The following DDR2 variants were observed in gnomAD, a reference collection of about 807,000 sequenced individuals.
DDR2 encodes the protein discoidin domain receptor tyrosine kinase 2.
Under a neutral mutation model 94.9 loss-of-function variants are expected in DDR2, and 27 were observed. The ratio of observed to expected loss-of-function variants is 0.28; its 90% CI spans 0.21 to 0.39. The LOEUF (loss-of-function observed/expected upper bound fraction) is 0.39. Ranked by LOEUF, DDR2 falls within the 10% of genes least tolerant of loss-of-function variation. The pLI is 1.00. For missense variants in DDR2, 783 were observed against 1,076.0 expected (o/e 0.73, Z 3.81); for synonymous variants, 382 against 377.2 (o/e 1.01, Z -0.15).
intron 7 of DDR2, among the ~76,000 whole-genome samples, chr1:162,759,063 CT>C (rs1228006796): frequency 6.6e-6 from 1 of 152,176 alleles, no homozygotes; most frequent in Non-Finnish European, 1.5e-5. Context: ...TCAAAAAAGC[CT>C]GCTAAGCTAG....
intron 2 of DDR2, among the ~76,000 whole-genome samples, chr1:162,717,078 C>T (rs1661202916): frequency 6.6e-6 from 1 of 152,014 alleles, no homozygotes; most frequent in South Asian, 2.1e-4. Context: ...CTCTGTCGCC[C>T]AGGCTGGAGT....
intron 3 of DDR2, among the ~76,000 whole-genome samples, chr1:162,737,558 T>A (rs1166170177): frequency 1.5e-5 from 2 of 132,980 alleles, no homozygotes; most frequent in Non-Finnish European, 3.2e-5. Flanking sequence ...CAGTCTAACA[T>A]TGTTGGACAT....
At chr1:162,741,252 T>TATA (rs57099786) in intron 3 of DDR2, among the ~76,000 whole-genome samples, 13,292 of 87,410 alleles carry the variant, frequency 0.15, 983 homozygotes, top group East Asian at 0.2. Context: ...TATAGTATAA[T>TATA]GTAATGTAAT....
intron 1 of DDR2, among the ~76,000 whole-genome samples, chr1:162,633,810 T>A (rs764248297): frequency 2.6e-5 from 4 of 152,222 alleles, no homozygotes; most frequent in African/African-American, 9.6e-5. Context: ...AGAAGCTAAA[T>A]TCTGAGTATT....
At chr1:162,764,357 A>T (rs371341240) in intron 9 of DDR2, among the ~76,000 whole-genome samples, 7 of 151,634 alleles carry the variant, frequency 4.6e-5, no homozygotes, top group African/African-American at 1.7e-4. Flanking sequence ...CATACCATTA[A>T]ATTTAAATGG....
intron 3 of DDR2, chr1:162,741,853 A>G (rs987105063): frequency 3.2e-5 from 21 of 654,046 alleles, no homozygotes; most frequent in Admixed American, 6.3e-5. Context: ...ACTGGTGACA[A>G]GGACTAAAAC....
chr1:162,727,759 G>T (rs1661769008), intron 3 of DDR2, among the ~76,000 whole-genome samples: 1 of 147,154 alleles, frequency 6.8e-6, no homozygotes, highest in East Asian at 1.9e-4. Context: ...AAAAAAAGTT[G>T]CATAAATTTT....
chr1:162,704,557 C>T (rs1274957474), intron 2 of DDR2, among the ~76,000 whole-genome samples: 1 of 152,172 alleles, frequency 6.6e-6, no homozygotes, highest in Non-Finnish European at 1.5e-5. Context: ...CGTCCAAGAT[C>T]AAGGTGCTGG....
At chr1:162,696,151 A>G (rs577309953) in intron 2 of DDR2, among the ~76,000 whole-genome samples, 81 of 151,924 alleles carry the variant, frequency 5.3e-4, no homozygotes, top group African/African-American at 1.9e-3. Flanking sequence ...GGTTCGGCAT[A>G]TCTTCTGACC....
At chr1:162,752,846 G>T (rs138614329) in intron 3 of DDR2, among the ~76,000 whole-genome samples, 1 of 152,054 alleles carries the variant, frequency 6.6e-6, no homozygotes, top group East Asian at 1.9e-4. Context: ...TACATTGATT[G>T]TCAGAGTTTG....
At chr1:162,763,336 C>CT (rs56323242) in intron 9 of DDR2, among the ~76,000 whole-genome samples, 72 of 56,514 alleles carry the variant, frequency 1.3e-3, no homozygotes, top group Non-Finnish European at 1.6e-3. Flanking sequence ...CCACGCCCGG[C>CT]TTTTTTTTTT....
chr1:162,776,038 C>T (rs1647531074), intron 15 of DDR2, 98 bp from the exon 16 acceptor site: 1 of 1,337,298 alleles, frequency 7.5e-7, no homozygotes, highest in Non-Finnish European at 1.1e-6. Context: ...GAATGTTGAG[C>T]TTTCAACCCT....
At chr1:162,721,783 C>T (rs1661434030) in intron 3 of DDR2, among the ~76,000 whole-genome samples, 1 of 152,132 alleles carries the variant, frequency 6.6e-6, no homozygotes, top group African/African-American at 2.4e-5. Flanking sequence ...GCCAGGAGAC[C>T]TGAGTTATAA....
intron 1 of DDR2, among the ~76,000 whole-genome samples, chr1:162,649,470 T>G (rs116241418): frequency 0.014 from 2,156 of 152,302 alleles, 56 homozygotes; most frequent in African/African-American, 0.049. Flanking sequence ...CTTGGGTAAG[T>G]CATTGAATGT....
chr1:162,684,812 A>AACACACACACACACACACACACAC (rs56958157), intron 2 of DDR2, among the ~76,000 whole-genome samples: 1 of 137,956 alleles, frequency 7.2e-6, no homozygotes, highest in Non-Finnish European at 1.6e-5. Flanking sequence ...CACACCCACC[A>AACACACACACACACACACACACAC]ACACACACAC....
chr1:162,633,919 C>G (rs1044489747), intron 1 of DDR2, among the ~76,000 whole-genome samples: 3 of 152,210 alleles, frequency 2.0e-5, no homozygotes, highest in Admixed American at 2.0e-4. Flanking sequence ...TTATTTCTAT[C>G]GTACATGTAA....
chr1:162,688,127 T>C (rs1369204554), intron 2 of DDR2, among the ~76,000 whole-genome samples: 1 of 152,244 alleles, frequency 6.6e-6, no homozygotes, highest in Non-Finnish European at 1.5e-5. Context: ...AAGTGGCTTC[T>C]ACCAATGGGA....
chr1:162,735,996 T>G (rs1662280499), intron 3 of DDR2, among the ~76,000 whole-genome samples: 1 of 152,202 alleles, frequency 6.6e-6, no homozygotes, highest in South Asian at 2.1e-4. Context: ...AAGCCAGGGA[T>G]GAAAGCCCAG....
chr1:162,686,329 C>T (rs935621847), intron 2 of DDR2, among the ~76,000 whole-genome samples: 1 of 152,274 alleles, frequency 6.6e-6, no homozygotes, highest in Admixed American at 6.5e-5. Context: ...TTAAGCCCTG[C>T]ATGCATTAGG....
Sources: gnomAD v4.1 joint callset for allele counts (sites outside exome capture counted in the v4.1 genomes callset) on GRCh38, gnomAD v4.1.1 for gene constraint, MANE v1.5 for transcripts, NCBI Gene and HGNC (gene_info 2026-07-23, HGNC 2026-07-21) for gene names.